The following ENOX1 variants were observed in gnomAD, a reference collection of about 807,000 sequenced individuals.
ENOX1 encodes candidate growth-related and time keeping constitutive hydroquinone (NADH) oxidase.
ENOX1 carries 42 observed loss-of-function variants against 82.5 expected under a neutral mutation model. The observed-to-expected ratio is 0.51, with a 90% CI of 0.40 to 0.66. The LOEUF (loss-of-function observed/expected upper bound fraction) is 0.66, where lower values mean the gene tolerates loss of function less well. Ranked by LOEUF, ENOX1 falls within the 30% of genes least tolerant of loss-of-function variation. The probability of loss-of-function intolerance (pLI) is 0.00; values close to 1 mark genes in which losing one functional copy is unlikely to be tolerated. For synonymous variants in ENOX1, 271 were observed against 282.2 expected (o/e 0.96, Z 0.40); for missense variants, 608 against 811.6 (o/e 0.75, Z 3.05).
intron 2 of ENOX1, among the ~76,000 whole-genome samples, chr13:43,550,301 T>A (rs779684015): frequency 6.6e-6 from 1 of 152,160 alleles, no homozygotes; most frequent in African/African-American, 2.4e-5. Flanking sequence ...TAAACTAATA[T>A]GAGCTGTGTG....
chr13:43,616,204 A>ATATATATATATATATATATATATATTTTT (rs1457149422), intron 2 of ENOX1, among the ~76,000 whole-genome samples: 9 of 15,302 alleles, frequency 5.9e-4, no homozygotes, highest in Non-Finnish European at 1.5e-3. Context: ...ATATATATAT[A>ATATATATATATATATATATATATATTTTT]TTTTTTTTTT....
chr13:43,651,695 T>TAGAAAAAAAAAAAAAAAAAAA (rs2084179554), intron 2 of ENOX1, among the ~76,000 whole-genome samples: 1 of 96,936 alleles, frequency 1.0e-5, no homozygotes, highest in Admixed American at 1.2e-4. Context: ...AGACTCTGTC[T>TAGAAAAAAAAAAAAAAAAAAA]AAAAAAAAAA....
chr13:43,514,001 C>A (rs2077469097), intron 2 of ENOX1, among the ~76,000 whole-genome samples: 1 of 152,046 alleles, frequency 6.6e-6, no homozygotes, highest in African/African-American at 2.4e-5. Context: ...CATTTATATA[C>A]ATATTTGCAT....
intron 5 of ENOX1, among the ~76,000 whole-genome samples, chr13:43,407,244 A>G (rs2053854655): frequency 6.6e-6 from 1 of 152,188 alleles, no homozygotes; most frequent in African/African-American, 2.4e-5. Flanking sequence ...TTCAGGCAAC[A>G]CCTGACCCAA....
intron 2 of ENOX1, among the ~76,000 whole-genome samples, chr13:43,607,590 AC>A (rs1397147716): frequency 6.6e-6 from 1 of 151,974 alleles, no homozygotes; most frequent in Non-Finnish European, 1.5e-5. Context: ...ATACATTATT[AC>A]ATATCATCTG....
At chr13:43,419,269 C>G (rs1338211470) in intron 3 of ENOX1, among the ~76,000 whole-genome samples, 1 of 152,076 alleles carries the variant, frequency 6.6e-6, no homozygotes, top group African/African-American at 2.4e-5. Flanking sequence ...ATATCTACAA[C>G]CCCAGATAGG....
chr13:43,669,576 T>C (rs2085157065), intron 1 of ENOX1, among the ~76,000 whole-genome samples: 1 of 88,880 alleles, frequency 1.1e-5, no homozygotes, highest in Non-Finnish European at 1.9e-5. Context: ...CCAAACATCT[T>C]TTTTTCCCTT....
intron 12 of ENOX1, among the ~76,000 whole-genome samples, chr13:43,293,474 C>T (rs932354857): frequency 1.3e-5 from 2 of 152,134 alleles, no homozygotes; most frequent in African/African-American, 4.8e-5. Flanking sequence ...ATCACTACTG[C>T]AGTCACCTTT....
At chr13:43,293,448 C>T (rs1490509706) in intron 12 of ENOX1, among the ~76,000 whole-genome samples, 2 of 152,142 alleles carry the variant, frequency 1.3e-5, no homozygotes, top group East Asian at 3.8e-4. Context: ...CAATCACCCT[C>T]ACCTCCAGAG....
intron 2 of ENOX1, among the ~76,000 whole-genome samples, chr13:43,502,758 G>A (rs192959356): frequency 2.6e-5 from 4 of 151,356 alleles, no homozygotes; most frequent in Admixed American, 6.6e-5. Flanking sequence ...CACACTCAAC[G>A]GTGAAAAACT....
intron 11 of ENOX1, among the ~76,000 whole-genome samples, chr13:43,312,376 T>C (rs2047253591): frequency 6.6e-6 from 1 of 151,996 alleles, no homozygotes; most frequent in Non-Finnish European, 1.5e-5. Flanking sequence ...AGATGGTGAG[T>C]CAATAAACTG....
chr13:43,256,672 A>G (rs1409866022), intron 14 of ENOX1, among the ~76,000 whole-genome samples: 1 of 152,174 alleles, frequency 6.6e-6, no homozygotes, highest in African/African-American at 2.4e-5. Context: ...GGATGGCAGT[A>G]AGGATTTGAA....
intron 3 of ENOX1, among the ~76,000 whole-genome samples, chr13:43,436,612 C>G (rs1366134031): frequency 6.6e-6 from 1 of 151,982 alleles, no homozygotes; most frequent in Non-Finnish European, 1.5e-5. Flanking sequence ...TTGATATTGG[C>G]CAGCTGCAAA....
intron 2 of ENOX1, among the ~76,000 whole-genome samples, chr13:43,593,669 T>TAC (rs58120566): frequency 1.3e-3 from 93 of 69,228 alleles, no homozygotes; most frequent in African/African-American, 4.9e-3. Context: ...CCAATCTCTG[T>TAC]ACACACACAC....
chr13:43,438,120 G>A (rs956069964), intron 3 of ENOX1, among the ~76,000 whole-genome samples: 3 of 152,212 alleles, frequency 2.0e-5, no homozygotes, highest in Admixed American at 2.0e-4. Flanking sequence ...GGAGAACGAT[G>A]CTAACAATGT....
intron 12 of ENOX1, among the ~76,000 whole-genome samples, chr13:43,284,351 T>G (rs1427356544): frequency 2.6e-5 from 4 of 151,190 alleles, no homozygotes; most frequent in African/African-American, 9.7e-5. Flanking sequence ...TATGTTTAAA[T>G]GACTGAAAAA....
chr13:43,502,150 C>T (rs868701388), intron 2 of ENOX1, among the ~76,000 whole-genome samples: 16 of 151,472 alleles, frequency 1.1e-4, no homozygotes, highest in African/African-American at 3.1e-4. Flanking sequence ...ATTAGAAACA[C>T]AGGACCTACC....
chr13:43,712,324 G>C (rs1419100629), intron 1 of ENOX1, among the ~76,000 whole-genome samples: 1 of 151,216 alleles, frequency 6.6e-6, no homozygotes, highest in African/African-American at 2.4e-5. Context: ...GGTTACTGTA[G>C]CCTTGTAGTA....
In ENOX1 at chr13:43,684,061, A is replaced by G. The variant is rs567914390; in HGVS notation, c.-284-16517T>C. ...CAGTGAGCAGAGATCGCGCCACTGT[A>G]CTCCAGCCTGGGCGAAAGAGCGAGA... On this transcript the variant is annotated intron_variant, in intron 1 of 16. Coordinates refer to ENST00000690772, the MANE Select transcript of ENOX1 (RefSeq NM_001347969.2). Among the ~76,000 whole-genome samples the G allele has an allele frequency of 2.4e-3, 327 of 136,112 alleles. 2 individuals are homozygous for G. The highest frequency in any genetic ancestry group is 8.6e-3 in the African/African-American group (300 of 34,720). The allele number at this position is 136,112 out of a possible 152,430, so 89.3% of individuals were successfully genotyped here. A position where few individuals can be genotyped will look rare whatever the true frequency, so the allele number is the denominator to read the frequency against.
Sources: gnomAD v4.1 joint callset for allele counts (sites outside exome capture counted in the v4.1 genomes callset) on GRCh38, gnomAD v4.1.1 for gene constraint, MANE v1.5 for transcripts, NCBI Gene and HGNC (gene_info 2026-07-23, HGNC 2026-07-21) for gene names.